The following VPS13B variants were observed in gnomAD, a reference collection of about 807,000 sequenced individuals.
VPS13B encodes the protein vacuolar protein sorting 13 homolog B, also known as intermembrane lipid transfer protein VPS13B.
VPS13B carries 285 observed loss-of-function variants against 426.4 expected under a neutral mutation model. That is an observed-to-expected ratio of 0.67 (90% CI 0.61 to 0.74). VPS13B has a LOEUF of 0.74. Among genes scored for constraint, VPS13B ranks in the 30% least tolerant of loss-of-function variants. The pLI, the probability that VPS13B is intolerant of heterozygous loss-of-function variation, is 0.00. For missense variants in VPS13B, 4,537 were observed against 4,782.6 expected (o/e 0.95, Z 1.51); for synonymous variants, 1,676 against 1,676.4 (o/e 1.00, Z 0.01).
At chr8:99,346,166 T>C (rs1047704494) in intron 19 of VPS13B, 1 of 152,386 alleles carries the variant, frequency 6.6e-6, no homozygotes, top group African/African-American at 2.4e-5. Context: ...CTGAATCCTC[T>C]TGGAGTTCTT....
intron 17 of VPS13B, among the ~76,000 whole-genome samples, chr8:99,273,843 C>CTA (rs1818745382): frequency 6.6e-6 from 1 of 151,908 alleles, no homozygotes; most frequent in Admixed American, 6.6e-5. Flanking sequence ...TTAAACTTGA[C>CTA]TTTATAAGTT....
intron 17 of VPS13B, among the ~76,000 whole-genome samples, chr8:99,199,223 C>G (rs1814142729): frequency 6.6e-6 from 1 of 152,008 alleles, no homozygotes; most frequent in Non-Finnish European, 1.5e-5. Flanking sequence ...GCTCTGTCAC[C>G]CAGGCTAGAG....
In VPS13B at chr8:99,267,052, C is replaced by T. The variant is rs868006508; in HGVS notation, c.2516-7146C>T. 3.3e-5 allele frequency among the ~76,000 whole-genome samples: 5 copies of T among 152,066 alleles called. No individual in the cohort carries two copies. In the South Asian group the frequency reaches 6.2e-4, roughly 19 times the overall value. On this transcript the variant is annotated intron_variant, in intron 17 of 61. Coordinates refer to ENST00000357162, the MANE Select transcript of VPS13B (RefSeq NM_152564.5). The stretch of plus-strand genomic sequence containing the variant: ...AAAGTTTAGAGGACTCAGAAGAAGA[C>T]AGGAAAATGTGGGAAAGTTTGGAAC...
chr8:99,277,518 T>C (rs926437432), intron 19 of VPS13B, among the ~76,000 whole-genome samples: 18 of 152,302 alleles, frequency 1.2e-4, no homozygotes, highest in African/African-American at 4.3e-4. Flanking sequence ...ATTGATGTTA[T>C]AGACAAGTCA....
At chr8:99,830,732 G>A (rs998598706) in intron 51 of VPS13B, among the ~76,000 whole-genome samples, 1 of 152,188 alleles carries the variant, frequency 6.6e-6, no homozygotes, top group Non-Finnish European at 1.5e-5. Flanking sequence ...TTGTGGTGTA[G>A]GCACCAGAGG....
Position 99,577,615 on chromosome 8 carries a change from A to G in VPS13B, c.5202A>G (p.Pro1734=), listed in dbSNP as rs1195774877. 1.2e-6 allele frequency: 2 copies of G among 1,613,638 alleles called. No individual in the cohort carries two copies. Among genetic ancestry groups the G allele is most frequent in the Non-Finnish European group, 1.7e-6 (2 of 1,179,754 alleles). The change falls in exon 33 of 62, where the codon CCA becomes CCG. Residue 1734 remains proline (P), a synonymous_variant. Coordinates refer to ENST00000357162, the MANE Select transcript of VPS13B (RefSeq NM_152564.5). ...TAGCAAATATGACTGGACTGGAACC[A>G]TCAAACAAGGCTGCAGAGGTAACTG... ...LIVANMTGLE[P]SNKAAEISKQ... is the part of the protein sequence containing the mutation.
At chr8:99,546,806 G>A (rs1275695350) in intron 30 of VPS13B, among the ~76,000 whole-genome samples, 2 of 151,962 alleles carry the variant, frequency 1.3e-5, no homozygotes, top group Non-Finnish European at 2.9e-5. Context: ...AATGAATTTG[G>A]TTAAGAGATA....
chr8:99,477,615 A>C (rs982859366), intron 24 of VPS13B, among the ~76,000 whole-genome samples: 1 of 152,202 alleles, frequency 6.6e-6, no homozygotes, highest in Non-Finnish European at 1.5e-5. Flanking sequence ...ATGACATCAG[A>C]ATTGTGACCC....
chr8:99,870,714 T>G, intron 59 of VPS13B, 71 bp from the exon 60 acceptor site: 2 of 1,398,184 alleles, frequency 1.4e-6, no homozygotes, highest in Non-Finnish European at 2.0e-6. Flanking sequence ...TCTGAACAGA[T>G]GACATCATTG....
chr8:99,266,283 A>G (rs1285779931), intron 17 of VPS13B, among the ~76,000 whole-genome samples: 5 of 151,922 alleles, frequency 3.3e-5, no homozygotes, highest in Non-Finnish European at 7.4e-5. Context: ...GATAGAGTAC[A>G]TGCCTGTAGT....
At chr8:99,412,926 A>G (rs1815769594) in intron 21 of VPS13B, among the ~76,000 whole-genome samples, 1 of 152,176 alleles carries the variant, frequency 6.6e-6, no homozygotes, top group Admixed American at 6.5e-5. Flanking sequence ...ACCATGGTGT[A>G]TAAGCTTTTT....
At chr8:99,029,821 G>A (rs191095088) in intron 2 of VPS13B, among the ~76,000 whole-genome samples, 47 of 150,802 alleles carry the variant, frequency 3.1e-4, no homozygotes, top group African/African-American at 9.9e-4. Flanking sequence ...GAGAGGGAGA[G>A]GGAGAGGGAG....
At chr8:99,029,503 A>T (rs1842395879) in intron 2 of VPS13B, among the ~76,000 whole-genome samples, 1 of 152,038 alleles carries the variant, frequency 6.6e-6, no homozygotes, top group Non-Finnish European at 1.5e-5. Context: ...TGAGTGAACG[A>T]GACTCCGTCT....
intron 39 of VPS13B, among the ~76,000 whole-genome samples, chr8:99,725,917 C>G (rs1370036530): frequency 6.6e-6 from 1 of 152,120 alleles, no homozygotes; most frequent in Non-Finnish European, 1.5e-5. Flanking sequence ...ATATTAATCT[C>G]CTTAGGTTTA....
At chr8:99,813,595 A>G (rs1416397661) in intron 44 of VPS13B, among the ~76,000 whole-genome samples, 1 of 152,190 alleles carries the variant, frequency 6.6e-6, no homozygotes, top group Admixed American at 6.5e-5. Context: ...AGTTCAGTTG[A>G]CTTTTATGGT....
At chr8:99,638,389 T>C (rs1483832630) in intron 33 of VPS13B, among the ~76,000 whole-genome samples, 1 of 152,150 alleles carries the variant, frequency 6.6e-6, no homozygotes, top group East Asian at 1.9e-4. Context: ...TAACAGTGTC[T>C]GGCAAATAAT....
chr8:99,809,495 A>G lies in VPS13B; in HGVS notation c.8062A>G (p.Ile2688Val). 2 of 1,614,056 alleles carry G rather than the reference A, an allele frequency of 1.2e-6. No individual in the cohort carries two copies. The highest frequency in any genetic ancestry group is 1.7e-6 in the Non-Finnish European group (2 of 1,179,964). Residue 2688 changes from isoleucine to valine, a missense_variant, in exon 44 of 62, where the codon ATC becomes GTC. Physicochemically the swap from Ile to Val is conservative, Grantham distance 29. Around this residue, in one of 2 missense-constraint regions of VPS13B, gnomAD observed 4,311 missense variants for 4,474.3 expected, o/e 0.96. Coordinates refer to ENST00000357162, the MANE Select transcript of VPS13B (RefSeq NM_152564.5). ...QYRGRTASLI[I>V]KVQQLNGVQK... Reference sequence around the variant, plus strand: ...CAGGGGTCGAACTGCTTCTCTCATCATCAAGGTTCAGCAACTCAATGGAGT... The same window carrying G: ...CAGGGGTCGAACTGCTTCTCTCATCGTCAAGGTTCAGCAACTCAATGGAGT...
At chr8:99,590,808 T>G (rs1826611117) in intron 33 of VPS13B, among the ~76,000 whole-genome samples, 2 of 152,190 alleles carry the variant, frequency 1.3e-5, no homozygotes, top group African/African-American at 4.8e-5. Flanking sequence ...ATAATGTATA[T>G]TCGGTTGATT....
chr8:99,365,265 A>G (rs757004904), intron 19 of VPS13B, among the ~76,000 whole-genome samples: 1 of 148,544 alleles, frequency 6.7e-6, no homozygotes, highest in Non-Finnish European at 1.5e-5. Context: ...TTTCAATTTC[A>G]TTTATTTCTG....
Sources: allele counts gnomAD v4.1 joint callset (sites outside exome capture counted in the v4.1 genomes callset), GRCh38; gene constraint gnomAD v4.1.1; regional missense constraint gnomAD v4.1.1; transcripts MANE v1.5; gene names NCBI Gene and HGNC (gene_info 2026-07-23, HGNC 2026-07-21).